GSE1: variants seen among roughly 807,000 people sequenced by gnomAD.
GSE1 encodes genetic suppressor element 1.
GSE1 carries 32 observed loss-of-function variants against 112.6 expected under a neutral mutation model. That is an observed-to-expected ratio of 0.28 (90% CI 0.21 to 0.38). GSE1 has a LOEUF of 0.38. Ranked by LOEUF, GSE1 falls within the 10% of genes least tolerant of loss-of-function variation. The pLI, the probability that GSE1 is intolerant of heterozygous loss-of-function variation, is 1.00. For synonymous variants in GSE1, 1,115 were observed against 735.6 expected (o/e 1.52, Z -8.35); for missense variants, 2,348 against 1,699.2 (o/e 1.38, Z -6.71).
intron 3 of GSE1, among the ~76,000 whole-genome samples, chr16:85,652,496 G>A (rs928057475): frequency 2.0e-5 from 3 of 152,212 alleles, no homozygotes; most frequent in African/African-American, 7.2e-5. Context: ...GGGGGGCCGG[G>A]GCTCAGCCCG....
intron 1 of GSE1, among the ~76,000 whole-genome samples, chr16:85,561,212 C>A (rs1184861565): frequency 1.3e-5 from 2 of 152,092 alleles, no homozygotes; most frequent in Admixed American, 6.6e-5. Flanking sequence ...CACGGTGCTT[C>A]CTCAGAACAG....
At chr16:85,567,169 G>T (rs913621038) in intron 1 of GSE1, among the ~76,000 whole-genome samples, 1 of 152,022 alleles carries the variant, frequency 6.6e-6, no homozygotes, top group South Asian at 2.1e-4. Context: ...CCGGCCTGTC[G>T]GTGGGCAGGT....
upstream of GSE1, among the ~76,000 whole-genome samples, chr16:85,609,501 T>C (rs1013050904): frequency 3.9e-5 from 6 of 152,350 alleles, no homozygotes; most frequent in East Asian, 5.8e-4. Context: ...AGTGTGTTTG[T>C]TGAGTGAAAA....
At chr16:85,281,752 A>G (rs2044864243) in intron 1 of GSE1, among the ~76,000 whole-genome samples, 1 of 152,130 alleles carries the variant, frequency 6.6e-6, no homozygotes, top group Non-Finnish European at 1.5e-5. Context: ...GTGTCCAGTG[A>G]TGGGGTGGGA....
At chr16:85,586,200 C>T (rs1025911711) in intron 1 of GSE1, among the ~76,000 whole-genome samples, 2 of 152,266 alleles carry the variant, frequency 1.3e-5, no homozygotes, top group East Asian at 1.9e-4. Context: ...CACCCTACCC[C>T]AGTGTGACCT....
intron 2 of GSE1, among the ~76,000 whole-genome samples, chr16:85,477,774 C>A (rs965107511): frequency 6.6e-6 from 1 of 151,934 alleles, no homozygotes; most frequent in Non-Finnish European, 1.5e-5. Context: ...GCTGGCCAGG[C>A]TGGTCTCGAA....
chr16:85,215,256 C>T (rs970235384), intron 1 of GSE1, among the ~76,000 whole-genome samples: 15 of 152,196 alleles, frequency 9.9e-5, no homozygotes, highest in South Asian at 2.1e-4. Context: ...AATGGAGGTG[C>T]GAAATAATAT....
intron 1 of GSE1, among the ~76,000 whole-genome samples, chr16:85,604,205 CCT>C (rs1201270337): frequency 1.3e-5 from 2 of 152,220 alleles, no homozygotes; most frequent in Non-Finnish European, 2.9e-5. Flanking sequence ...AGCAACTACT[CCT>C]CTGCTTTTTG....
intron 2 of GSE1, among the ~76,000 whole-genome samples, chr16:85,475,244 G>T (rs2050415880): frequency 6.6e-6 from 1 of 152,210 alleles, no homozygotes; most frequent in Non-Finnish European, 1.5e-5. Context: ...TAAACCAGGG[G>T]CAGCAGGGGA....
chr16:85,449,239 C>T (rs911170409), intron 2 of GSE1, among the ~76,000 whole-genome samples: 1 of 152,226 alleles, frequency 6.6e-6, no homozygotes, highest in Admixed American at 6.5e-5. Flanking sequence ...GCTTGGGGCC[C>T]CACCGCGCAC....
chr16:85,518,875 T>C (rs2052043666), intron 2 of GSE1, among the ~76,000 whole-genome samples: 1 of 152,060 alleles, frequency 6.6e-6, no homozygotes. Flanking sequence ...CAGCTCAGGC[T>C]CACACCTGGG....
At chr16:85,203,362 C>T (rs995457050) in intron 1 of GSE1, among the ~76,000 whole-genome samples, 2 of 152,164 alleles carry the variant, frequency 1.3e-5, no homozygotes, top group African/African-American at 4.8e-5. Context: ...GGGGCAGGTG[C>T]GGGATGCTAA....
At position 85,581,863 on chromosome 16, in the gene GSE1, T is replaced by C. The variant is rs569662016; in HGVS notation, c.37+25500T>C. ...CCCCACTGGCTGCATCCGAATCTTA[T>C]GGGGTTCTAGAAAACACAAACTTCC... On this transcript the variant is annotated intron_variant, in intron 1 of 2. Transcript: ENST00000635906. Among the ~76,000 whole-genome samples the C allele has an allele frequency of 2.0e-5, 3 of 152,278 alleles. No homozygotes were observed. In the South Asian group the frequency reaches 6.2e-4, roughly 32 times the overall value.
At chr16:85,260,729 G>C (rs1428179757) in intron 1 of GSE1, among the ~76,000 whole-genome samples, 2 of 152,240 alleles carry the variant, frequency 1.3e-5, no homozygotes, top group East Asian at 3.8e-4. Context: ...CTACTCCAGG[G>C]AGCTGCTGTT....
chr16:85,668,101 TC>T, intron 13 of GSE1, 38 bp from the exon 14 acceptor site: 4 of 1,496,346 alleles, frequency 2.7e-6, no homozygotes, highest in Non-Finnish European at 3.6e-6. Context: ...CTGTGTCCCT[TC>T]CCCCAACACA....
chr16:85,260,429 T>C (rs1306866407), intron 1 of GSE1, among the ~76,000 whole-genome samples: 2 of 150,668 alleles, frequency 1.3e-5, no homozygotes, highest in African/African-American at 4.9e-5. Context: ...TTCAAGTGAT[T>C]CTCCTGCTTC....
intron 2 of GSE1, among the ~76,000 whole-genome samples, chr16:85,636,107 T>C (rs999749598): frequency 6.6e-6 from 1 of 152,224 alleles, no homozygotes. Flanking sequence ...CACCATGGCC[T>C]CGTGGCCCTG....
rs1186452232 is a variant in GSE1 at position 85,542,534 on chromosome 16, A to G, written c.2465-91380A>G. 2.6e-5 allele frequency among the ~76,000 whole-genome samples: 4 copies of G among 152,202 alleles called. No homozygotes were observed. In the South Asian group the frequency reaches 6.2e-4, roughly 24 times the overall value. ...CCAGGCGCAGCAAGCCTACCTCCCAATGAAGAGCTGAAGCGGAGATGCTTC... is the reference window on the plus strand; with the variant it reads ...CCAGGCGCAGCAAGCCTACCTCCCAGTGAAGAGCTGAAGCGGAGATGCTTC... On this transcript the variant is annotated intron_variant, in intron 2 of 2. Transcript: ENST00000637419.
At chr16:85,582,838 T>C (rs74031859) in intron 1 of GSE1, among the ~76,000 whole-genome samples, 9,445 of 152,210 alleles carry the variant, frequency 0.062, 900 homozygotes, top group African/African-American at 0.2. Context: ...TCCGAGCCAG[T>C]GATCGGGAGG....
Sources: gnomAD v4.1 joint callset for allele counts (sites outside exome capture counted in the v4.1 genomes callset) on GRCh38, gnomAD v4.1.1 for gene constraint, MANE v1.5 for transcripts, NCBI Gene and HGNC (gene_info 2026-07-23, HGNC 2026-07-21) for gene names.